Variants in ZSCAN4 observed in about 807,000 individuals in gnomAD.
The protein encoded by ZSCAN4 is zinc finger and SCAN domain-containing protein 4.
Under a neutral mutation model 18.3 loss-of-function variants are expected in ZSCAN4, and 18 were observed. The ratio of observed to expected loss-of-function variants is 0.98; its 90% confidence interval spans 0.68 to 1.46. ZSCAN4 has a LOEUF of 1.46. Among genes scored for constraint, ZSCAN4 ranks in the 40% most tolerant of loss-of-function variants. The pLI is 0.00. For synonymous variants in ZSCAN4, 193 were observed against 180.3 expected, an observed-to-expected ratio of 1.07 and a Z score of -0.57; for missense variants, 498 against 511.4, an observed-to-expected ratio of 0.97 and a Z score of 0.25.
At chr19:57,670,331 T>A (rs1983980105) in exon 2 of ZSCAN4, 1 of 152,254 alleles carries the variant, frequency 6.6e-6, no homozygotes, top group African/African-American at 2.4e-5. Flanking sequence ...AACAGACAAG[T>A]GTTATCCAAT....
chr19:57,675,402 C>T (rs368456914), intron 2 of ZSCAN4, among the ~76,000 whole-genome samples: 25 of 152,204 alleles, frequency 1.6e-4, no homozygotes, highest in African/African-American at 6.0e-4. Flanking sequence ...CCTGCCTCAG[C>T]CTCCCAAAGT....
At chr19:57,653,711 A>G in the ZSCAN4 span, among the ~76,000 whole-genome samples, 2 of 152,222 alleles carry the variant, frequency 1.3e-5, no homozygotes, top group Non-Finnish European at 2.9e-5. Flanking sequence ...AGGGTTCCCA[A>G]TGCATACAAA....
chr19:57,677,834 C>A, intron 3 of ZSCAN4, 80 bp from the exon 4 acceptor site: 1 of 1,357,762 alleles, frequency 7.4e-7, no homozygotes, highest in Non-Finnish European at 9.8e-7. Flanking sequence ...CTTGTGAGAG[C>A]CTGTTAAGGA....
At chr19:57,678,079 G>A in exon 4 of ZSCAN4, 2 of 1,582,362 alleles carry the variant, frequency 1.3e-6, no homozygotes, top group Non-Finnish European at 8.6e-7. Context: ...AACAGGACAA[G>A]GTAAGTCAGG....
At chr19:57,670,337 C>A (rs1423626338) in exon 2 of ZSCAN4, 2 of 152,090 alleles carry the variant, frequency 1.3e-5, no homozygotes, top group African/African-American at 2.4e-5. Context: ...CAAGTGTTAT[C>A]CAATCACGTC....
chr19:57,667,534 A>T (rs1244591563), upstream of ZSCAN4, among the ~76,000 whole-genome samples: 3 of 152,216 alleles, frequency 2.0e-5, no homozygotes, highest in Non-Finnish European at 1.5e-5. Context: ...AACATACAGA[A>T]AGCACTGAGA....
At chr19:57,670,993 C>T (rs954729430) in intron 2 of ZSCAN4, among the ~76,000 whole-genome samples, 2 of 152,046 alleles carry the variant, frequency 1.3e-5, no homozygotes, top group African/African-American at 4.8e-5. Flanking sequence ...TCCTGAGCAG[C>T]TGGGACCACA....
At chr19:57,676,827 T>C (rs1984204699) in intron 3 of ZSCAN4, among the ~76,000 whole-genome samples, 2 of 152,192 alleles carry the variant, frequency 1.3e-5, no homozygotes, top group Non-Finnish European at 2.9e-5. Flanking sequence ...CTCTGAGAAA[T>C]TGACTTTTTG....
chr19:57,652,177 C>T, the ZSCAN4 span, among the ~76,000 whole-genome samples: 101 of 152,262 alleles, frequency 6.6e-4, no homozygotes, highest in East Asian at 0.018. Context: ...CAAGACACCC[C>T]TCTCAGATAC....
rs1424740391 is a variant in ZSCAN4 at position 57,678,388 on chromosome 19, C to T, written c.785C>T (p.Thr262Ile). The stretch of plus-strand genomic sequence containing the variant: ...CAGGAAGGGTCCATAAATGGAATCA[C>T]TTTCCAAGGTGTCCCTATGGTGATG... The change falls in exon 5 of 5, where the codon ACT becomes ATT. Residue 262 changes from threonine to isoleucine, a missense_variant. Thr to Ile is a moderately conservative substitution (Grantham distance 89). Coordinates refer to ENST00000318203, the Ensembl canonical transcript of ZSCAN4. 8 of 1,614,034 alleles carry T rather than the reference C, an allele frequency of 5.0e-6. No individual in the cohort carries two copies. In the Admixed American group the frequency reaches 1.0e-4, roughly 20 times the overall value.
At chr19:57,658,704 C>T in the ZSCAN4 span, among the ~76,000 whole-genome samples, 2 of 151,832 alleles carry the variant, frequency 1.3e-5, no homozygotes, top group East Asian at 1.9e-4. Context: ...CATGGTGGCA[C>T]GTGCCTGTAA....
chr19:57,659,958 G>T, the ZSCAN4 span, among the ~76,000 whole-genome samples: 1 of 152,084 alleles, frequency 6.6e-6, no homozygotes, highest in South Asian at 2.1e-4. Context: ...AATGTTCTTC[G>T]CAAATAACCT....
At chr19:57,651,618 T>A in the ZSCAN4 span, among the ~76,000 whole-genome samples, 1 of 152,314 alleles carries the variant, frequency 6.6e-6, no homozygotes, top group East Asian at 1.9e-4. Context: ...CCATCTCCAT[T>A]CCGTTCCTTC....
exon 3 of ZSCAN4, chr19:57,676,418 G>C: frequency 6.2e-7 from 1 of 1,614,206 alleles, no homozygotes; most frequent in Non-Finnish European, 8.5e-7. Context: ...TCCTGGAGCA[G>C]TTTATGATTG....
chr19:57,654,448 A>G, the ZSCAN4 span, among the ~76,000 whole-genome samples: 1 of 152,066 alleles, frequency 6.6e-6, no homozygotes, highest in African/African-American at 2.4e-5. Context: ...ATAACCTTTC[A>G]AAACCCTTCT....
the ZSCAN4 span, among the ~76,000 whole-genome samples, chr19:57,652,408 C>G: frequency 1.3e-5 from 2 of 152,186 alleles, no homozygotes; most frequent in Non-Finnish European, 2.9e-5. Context: ...TTGTTTATCT[C>G]TGTTTGTGGT....
chr19:57,678,985 T>C, exon 5 of ZSCAN4: 1 of 1,396,432 alleles, frequency 7.2e-7, no homozygotes, highest in Non-Finnish European at 9.4e-7. Context: ...GGATATAAGA[T>C]ATAATCTCCT....
the ZSCAN4 span, among the ~76,000 whole-genome samples, chr19:57,653,908 C>T: frequency 6.6e-6 from 1 of 152,202 alleles, no homozygotes; most frequent in Admixed American, 6.5e-5. Context: ...ACCTCTAACT[C>T]AAACAGGTCC....
Position 57,677,941 on chromosome 19 carries a change from GCT to G in ZSCAN4, c.429_430del (p.Ser145Ter), listed in dbSNP as rs1568452525. 6.4e-7 allele frequency: 1 copy of G among 1,560,314 alleles called. No homozygotes were observed. Among genetic ancestry groups the G allele is most frequent in the South Asian group, 1.2e-5 (1 of 81,338 alleles). On this transcript the variant is annotated frameshift_variant, in exon 4 of 5. Transcript: ENST00000318203. LOFTEE classifies it high-confidence loss of function. ...CCACGTCCACATGCAGGGACAGGAA[GCT>G]CTCTTTTCTGAGGATATGCCCTTAA...
Sources: allele counts gnomAD v4.1 joint callset (sites outside exome capture counted in the v4.1 genomes callset), GRCh38; gene constraint gnomAD v4.1.1; transcripts MANE v1.5; gene names NCBI Gene and HGNC (gene_info 2026-07-23, HGNC 2026-07-21).